SH3PXD2A: variants seen among roughly 807,000 people sequenced by gnomAD.
SH3PXD2A encodes SH3 and PX domains 2A.
Under a neutral mutation model 115.2 loss-of-function variants are expected in SH3PXD2A, and 32 were observed. The ratio of observed to expected loss-of-function variants is 0.28; its 90% confidence interval spans 0.21 to 0.37. SH3PXD2A has a LOEUF of 0.37. SH3PXD2A is among the 10% of genes least tolerant of loss of function. The probability of loss-of-function intolerance (pLI) is 1.00; values close to 1 mark genes in which losing one functional copy is unlikely to be tolerated. For missense variants in SH3PXD2A, 1,328 were observed against 1,498.7 expected, an observed-to-expected ratio of 0.89 and a Z score of 1.88; for synonymous variants, 610 against 629.1, an observed-to-expected ratio of 0.97 and a Z score of 0.45.
rs537256184 is a variant in SH3PXD2A at position 103,734,164 on chromosome 10, C to T, written c.306+1568G>A. Among the ~76,000 whole-genome samples, 59 of 152,308 alleles carry T rather than the reference C, an allele frequency of 3.9e-4. No individual in the cohort carries two copies. In the Middle Eastern group the frequency reaches 0.017, roughly 44 times the overall value. On this transcript the variant is annotated intron_variant, in intron 4 of 14. Transcript: ENST00000369774. The stretch of plus-strand genomic sequence containing the variant: ...TAGCTAGTAAGTGGGCACCGGGATT[C>T]GACTCCAGCTCTTCTCCTTCTGATA...
At chr10:103,782,827 CAAAAAAA>C (rs1177829829) in intron 2 of SH3PXD2A, among the ~76,000 whole-genome samples, 11 of 45,396 alleles carry the variant, frequency 2.4e-4, no homozygotes, top group African/African-American at 3.9e-4. Flanking sequence ...TCCATCTCTC[CAAAAAAA>C]AAAAAAAAAA....
At chr10:103,790,901 C>T (rs916447445) in intron 2 of SH3PXD2A, among the ~76,000 whole-genome samples, 14 of 152,222 alleles carry the variant, frequency 9.2e-5, no homozygotes, top group African/African-American at 3.4e-4. Flanking sequence ...TATAATTCCA[C>T]CACTGATTTC....
chr10:103,616,915 C>A (rs367681996), intron 11 of SH3PXD2A, among the ~76,000 whole-genome samples: 1 of 152,276 alleles, frequency 6.6e-6, no homozygotes, highest in African/African-American at 2.4e-5. Flanking sequence ...TTGGCAGATA[C>A]GTGGGAAGGG....
chr10:103,796,093 C>G (rs1258618769), intron 2 of SH3PXD2A, among the ~76,000 whole-genome samples: 5 of 152,028 alleles, frequency 3.3e-5, no homozygotes, highest in Admixed American at 1.3e-4. Flanking sequence ...GGTGTGGTGG[C>G]TGATGCCTGT....
At chr10:103,633,776 C>A (rs983107007) in intron 8 of SH3PXD2A, among the ~76,000 whole-genome samples, 1 of 140,840 alleles carries the variant, frequency 7.1e-6, no homozygotes, top group African/African-American at 2.6e-5. Context: ...CAAGTCTTGA[C>A]GGCACAGCGG....
At chr10:103,664,919 C>T (rs1008873621) in intron 7 of SH3PXD2A, among the ~76,000 whole-genome samples, 9 of 152,174 alleles carry the variant, frequency 5.9e-5, no homozygotes, top group South Asian at 4.1e-4. Flanking sequence ...GTGATCTGCC[C>T]GCCTTGGCCT....
chr10:103,781,999 C>T (rs2038935603), intron 2 of SH3PXD2A, among the ~76,000 whole-genome samples: 1 of 152,200 alleles, frequency 6.6e-6, no homozygotes, highest in African/African-American at 2.4e-5. Context: ...CTGAAGCAGC[C>T]CACGCCATTC....
Position 103,797,641 on chromosome 10 carries a change from A to G in SH3PXD2A, c.153+3641T>C, listed in dbSNP as rs572695751. Among the ~76,000 whole-genome samples, 33 of 143,086 alleles carry G rather than the reference A, an allele frequency of 2.3e-4. 1 individual carries two copies. Among genetic ancestry groups the G allele is most frequent in the Admixed American group, 2.1e-3 (28 of 13,368 alleles). The allele number at this position is 143,086 out of a possible 152,430, so 93.9% of individuals were successfully genotyped here. A position where few individuals can be genotyped will look rare whatever the true frequency, so the allele number is the denominator to read the frequency against. On this transcript the variant is annotated intron_variant, in intron 2 of 14. Transcript: ENST00000369774. ...GATCTACATGCAGGGCTTCACATGC[A>G]GGGCAGTTAGGTCCAGGCAGGAGCT... is the stretch of plus-strand genomic sequence containing the variant.
intron 8 of SH3PXD2A, among the ~76,000 whole-genome samples, chr10:103,654,965 G>C (rs2037187341): frequency 2.3e-5 from 1 of 43,132 alleles, no homozygotes; most frequent in African/African-American, 1.0e-4. Context: ...TGAGTGGAAG[G>C]GCCCAAGACT....
chr10:103,602,703 C>G lies in SH3PXD2A; in HGVS notation c.2515G>C (p.Glu839Gln), dbSNP rs1183255272. The G allele has an allele frequency of 6.2e-7, 1 of 1,614,178 alleles. No homozygotes were observed. The highest frequency in any genetic ancestry group is 1.3e-5 in the African/African-American group (1 of 75,062). Residue 839 changes from glutamate (E) to glutamine (Q), a missense_variant, in exon 15 of 15, where the codon GAA becomes CAA. Transcript: ENST00000369774. The part of the protein sequence containing the change: ...TPPCPTKKEW[E>Q]GPATSYMTCS... ...GTCATGTACGAGGTGGCTGGCCCTTCCCATTCCTTCTTGGTGGGACATGGG... is the reference window on the plus strand; with the variant it reads ...GTCATGTACGAGGTGGCTGGCCCTTGCCATTCCTTCTTGGTGGGACATGGG...
chr10:103,736,726 A>G, intron 3 of SH3PXD2A: 1 of 1,268,050 alleles, frequency 7.9e-7, no homozygotes. Context: ...TGTGAGTTAT[A>G]GCACTTGTGA....
At chr10:103,770,929 G>C (rs1291353568) in intron 2 of SH3PXD2A, among the ~76,000 whole-genome samples, 2 of 152,082 alleles carry the variant, frequency 1.3e-5, no homozygotes, top group African/African-American at 2.4e-5. Context: ...TTTTTATCTT[G>C]TTGTATTCTA....
At chr10:103,646,437 T>C (rs2037037477) in intron 8 of SH3PXD2A, among the ~76,000 whole-genome samples, 1 of 152,128 alleles carries the variant, frequency 6.6e-6, no homozygotes, top group Non-Finnish European at 1.5e-5. Flanking sequence ...TTCTAGAGAC[T>C]CGCCACAGTT....
intron 3 of SH3PXD2A, chr10:103,749,742 T>C (rs1291160537): frequency 6.6e-6 from 1 of 152,196 alleles, no homozygotes; most frequent in Non-Finnish European, 1.5e-5. Flanking sequence ...AAGGCTAGAT[T>C]ATAAAAACAT....
chr10:103,661,673 G>A (rs1400340793), intron 7 of SH3PXD2A: 2 of 985,102 alleles, frequency 2.0e-6, no homozygotes, highest in Admixed American at 6.1e-5. Context: ...TCGGGCGGGA[G>A]AGGGAGAGGA....
intron 2 of SH3PXD2A, 67 bp from the exon 3 acceptor site, chr10:103,767,236 C>A: frequency 2.6e-6 from 3 of 1,151,234 alleles, no homozygotes; most frequent in South Asian, 1.3e-5. Context: ...ATCCCTTCCC[C>A]ACTCACTCCA....
Position 103,602,475 on chromosome 10 carries a change from T to C in SH3PXD2A, c.2743A>G (p.Lys915Glu). 1 of 1,614,112 alleles carries C rather than the reference T, an allele frequency of 6.2e-7. No individual in the cohort carries two copies. The highest frequency in any genetic ancestry group is 1.3e-5 in the African/African-American group (1 of 75,048). ...SGKELDTVPA[K>E]GRQNEGKSDS... is the part of the protein sequence containing the mutation. ...GATTTGCCTTCGTTCTGCCTGCCCT[T>C]GGCGGGCACTGTGTCCAGCTCTTTG... Residue 915 changes from lysine (K) to glutamate (E), a missense_variant, in exon 15 of 15, where the codon AAG becomes GAG. Around this residue, in one of 5 missense-constraint regions of SH3PXD2A, gnomAD observed 574 missense variants for 565.7 expected, o/e 1.01. Transcript: ENST00000369774.
At chr10:103,844,661 G>A (rs868734317) in intron 1 of SH3PXD2A, among the ~76,000 whole-genome samples, 10 of 152,174 alleles carry the variant, frequency 6.6e-5, no homozygotes, top group African/African-American at 2.2e-4. Context: ...AGAACCAGGC[G>A]CAGGCTGGGG....
intron 2 of SH3PXD2A, among the ~76,000 whole-genome samples, chr10:103,795,211 A>T (rs2039074564): frequency 6.6e-6 from 1 of 152,234 alleles, no homozygotes; most frequent in Non-Finnish European, 1.5e-5. Flanking sequence ...AATTTTTAAA[A>T]TTTAATTTCA....
Sources: gnomAD v4.1 joint callset for allele counts (sites outside exome capture counted in the v4.1 genomes callset) on GRCh38, gnomAD v4.1.1 for gene constraint, gnomAD v4.1.1 regional missense constraint, MANE v1.5 for transcripts, NCBI Gene and HGNC (gene_info 2026-07-23, HGNC 2026-07-21) for gene names.